DIXDC1: variants seen among roughly 807,000 people sequenced by gnomAD.
DIXDC1 encodes the protein DIX domain containing 1.
Under a neutral mutation model 103.1 loss-of-function variants are expected in DIXDC1, and 64 were observed. The observed-to-expected ratio is 0.62, with a 90% CI of 0.51 to 0.76. DIXDC1 has a LOEUF of 0.76. DIXDC1 is among the 30% of genes least tolerant of loss of function. The pLI, the probability that DIXDC1 is intolerant of heterozygous loss-of-function variation, is 0.00. For missense variants in DIXDC1, 759 were observed against 834.2 expected, an observed-to-expected ratio of 0.91 and a Z score of 1.11; for synonymous variants, 266 against 298.5, an observed-to-expected ratio of 0.89 and a Z score of 1.12.
chr11:112,006,315 A>G (rs1555176623), intron 17 of DIXDC1, among the ~76,000 whole-genome samples: 1 of 152,100 alleles, frequency 6.6e-6, no homozygotes, highest in East Asian at 1.9e-4. Context: ...ACCACAGCTC[A>G]GCTAGGCCTG....
At chr11:111,962,061 C>T (rs1313831153) in intron 1 of DIXDC1, among the ~76,000 whole-genome samples, 1 of 152,160 alleles carries the variant, frequency 6.6e-6, no homozygotes, top group South Asian at 2.1e-4. Flanking sequence ...TAACTGGGTA[C>T]AGTGCCTCAA....
intron 1 of DIXDC1, 138 bp from the exon 2 acceptor site, chr11:111,964,411 C>CT (rs1859662350): frequency 1.1e-6 from 1 of 923,478 alleles, no homozygotes; most frequent in Admixed American, 2.7e-5. Context: ...TTTCTTCTCT[C>CT]TTTCCTCAAA....
chr11:112,000,290 A>T (rs1442922117), intron 17 of DIXDC1, among the ~76,000 whole-genome samples: 1 of 152,242 alleles, frequency 6.6e-6, no homozygotes, highest in African/African-American at 2.4e-5. Context: ...ATATTGTCTG[A>T]TAAGGGTCTA....
chr11:111,992,025 T>C (rs1453160800), intron 10 of DIXDC1, among the ~76,000 whole-genome samples: 2 of 152,058 alleles, frequency 1.3e-5, no homozygotes, highest in Non-Finnish European at 2.9e-5. Flanking sequence ...GAAAGTAGAG[T>C]GCATTGTCCA....
rs145002026 is a variant in DIXDC1, at chr11:112,005,119, T to C, written c.1756+8973T>C. On this transcript the variant is annotated intron_variant, in intron 17 of 19. Coordinates refer to ENST00000440460, the MANE Select transcript of DIXDC1 (RefSeq NM_001037954.4). Reference sequence around the variant, plus strand: ...CATATGTTAAAGGCTGTAGTGAAAATGTTGATAACATGCACATACAGGTGA... The same window carrying C: ...CATATGTTAAAGGCTGTAGTGAAAACGTTGATAACATGCACATACAGGTGA... Among the ~76,000 whole-genome samples, 365 of 152,258 alleles carry C rather than the reference T, an allele frequency of 2.4e-3. 1 individual carries two copies. Among genetic ancestry groups the C allele is most frequent in the African/African-American group, 8.5e-3 (352 of 41,542 alleles).
chr11:112,010,110 C>G (rs1029853601), intron 17 of DIXDC1, among the ~76,000 whole-genome samples: 2 of 152,186 alleles, frequency 1.3e-5, no homozygotes, highest in Admixed American at 6.5e-5. Context: ...TCAGCAAAGT[C>G]TCAGGATACA....
At chr11:111,939,725 G>A (rs1966355071) in intron 1 of DIXDC1, among the ~76,000 whole-genome samples, 1 of 152,044 alleles carries the variant, frequency 6.6e-6, no homozygotes, top group Non-Finnish European at 1.5e-5. Context: ...ATTACATTTA[G>A]TGCTACTGAA....
At chr11:112,016,666 A>G in intron 17 of DIXDC1, 25 bp from the exon 18 acceptor site, 2 of 1,556,672 alleles carry the variant, frequency 1.3e-6, no homozygotes, top group East Asian at 4.6e-5. Flanking sequence ...TGAATGTTCT[A>G]ACCACAGTCT....
chr11:111,939,173 T>G (rs1555168573), intron 1 of DIXDC1, among the ~76,000 whole-genome samples: 1 of 152,224 alleles, frequency 6.6e-6, no homozygotes. Flanking sequence ...TCCCACTGTC[T>G]GTTTAAGAGG....
chr11:111,966,284 A>G (rs113096095), intron 2 of DIXDC1, among the ~76,000 whole-genome samples: 4 of 130,104 alleles, frequency 3.1e-5, no homozygotes, highest in East Asian at 2.4e-4. Context: ...GTGCAATGGC[A>G]TAATCTCGGC....
Position 111,929,307 on chromosome 11 carries a change from T to A in DIXDC1, c.-36-511T>A, listed in dbSNP as rs587671756. Among the ~76,000 whole-genome samples, 18 of 152,364 alleles carry A rather than the reference T, an allele frequency of 1.2e-4. No individual in the cohort carries two copies. The South Asian group carries it at 3.7e-3, about 32-fold the overall frequency. ...CTGATTATCTTCAGAATACTTCCTG[T>A]GGTCCTTGACTAATAAATATAGGAA... On this transcript the variant is annotated intron_variant, in intron 1 of 5. Transcript: ENST00000529225.
chr11:111,994,889 TAAAG>T, intron 14 of DIXDC1, 126 bp from the exon 15 acceptor site: 1 of 869,824 alleles, frequency 1.1e-6, no homozygotes, highest in Non-Finnish European at 1.8e-6. Flanking sequence ...TACATTCTAA[TAAAG>T]AGAGCCATTA....
chr11:111,978,341 T>A (rs1200206021), intron 5 of DIXDC1, among the ~76,000 whole-genome samples: 1 of 152,178 alleles, frequency 6.6e-6, no homozygotes, highest in Non-Finnish European at 1.5e-5. Flanking sequence ...GCAGAGGATA[T>A]AATGCATATT....
In DIXDC1 at chr11:111,968,653, A is replaced by C. The variant is rs1555171800; in HGVS notation, c.316+15A>C. 1.2e-6 allele frequency: 2 copies of C among 1,601,938 alleles called. No individual in the cohort carries two copies. The highest frequency in any genetic ancestry group is 3.4e-5 in the Admixed American group (2 of 58,132). ...TTCGGCTAAAGGTCAGTGCCTCATC[A>C]CATCCTTGGTGCATGAGTATACTTT... is the stretch of plus-strand genomic sequence containing the variant. On this transcript the variant is annotated intron_variant, in intron 3 of 19. Coordinates refer to ENST00000440460, the MANE Select transcript of DIXDC1 (RefSeq NM_001037954.4).
At chr11:111,944,732 T>C (rs72991430) in intron 1 of DIXDC1, among the ~76,000 whole-genome samples, 102 of 152,310 alleles carry the variant, frequency 6.7e-4, no homozygotes, top group Non-Finnish European at 1.3e-3. Flanking sequence ...CTCACAACTT[T>C]AGAGGGGTCC....
Position 111,958,328 on chromosome 11 carries a change from G to A in DIXDC1, c.61-6221G>A, listed in dbSNP as rs78717525. Among the ~76,000 whole-genome samples the A allele has an allele frequency of 3.1e-3, 476 of 152,302 alleles. 2 individuals carry two copies. The highest frequency in any genetic ancestry group is 0.011 in the African/African-American group (463 of 41,578). On this transcript the variant is annotated intron_variant, in intron 1 of 19. Transcript: ENST00000440460. The surrounding 1 kb of genome is among the most constrained non-coding windows in gnomAD (Gnocchi z 4.2). ...CTGCAGCTGCCCAAGCCACAGCTGTGGACCCAGGCATCGCTGCACTCTCAG... is the reference window on the plus strand; with the variant it reads ...CTGCAGCTGCCCAAGCCACAGCTGTAGACCCAGGCATCGCTGCACTCTCAG...
chr11:111,937,629 G>C, intron 1 of DIXDC1, 70 bp downstream of exon 1: 3 of 1,476,290 alleles, frequency 2.0e-6, no homozygotes, highest in Non-Finnish European at 2.8e-6. Flanking sequence ...TCCGGAAGGG[G>C]TCCTCCTCCT....
chr11:111,980,134 A>G (rs1860247731), intron 5 of DIXDC1, among the ~76,000 whole-genome samples: 1 of 152,126 alleles, frequency 6.6e-6, no homozygotes, highest in Non-Finnish European at 1.5e-5. Flanking sequence ...GTCATGCTCT[A>G]GCTCAATTAC....
intron 7 of DIXDC1, among the ~76,000 whole-genome samples, chr11:111,984,500 C>T (rs782387411): frequency 1.3e-5 from 2 of 152,064 alleles, no homozygotes; most frequent in African/African-American, 2.4e-5. Flanking sequence ...ATCGGGCCAC[C>T]GCACTCCAAC....
Sources: gnomAD v4.1 joint callset for allele counts (sites outside exome capture counted in the v4.1 genomes callset) on GRCh38, gnomAD v4.1.1 for gene constraint, Gnocchi (gnomAD v3.1) non-coding constraint, MANE v1.5 for transcripts, NCBI Gene and HGNC (gene_info 2026-07-23, HGNC 2026-07-21) for gene names.